Variants in PTPN14 observed in about 807,000 individuals in gnomAD.
PTPN14 encodes the protein tyrosine-protein phosphatase non-receptor type 14.
A neutral mutation model predicts 126.8 loss-of-function variants in PTPN14; 53 were observed. The ratio of observed to expected loss-of-function variants is 0.42; its 90% confidence interval spans 0.34 to 0.53. The LOEUF (loss-of-function observed/expected upper bound fraction) is 0.53. PTPN14 is among the 20% of genes least tolerant of loss of function. The pLI, the probability that PTPN14 is intolerant of heterozygous loss-of-function variation, is 0.08. For missense variants in PTPN14, 1,257 were observed against 1,552.9 expected (o/e 0.81, Z 3.20); for synonymous variants, 630 against 599.3 (o/e 1.05, Z -0.75).
chr1:214,469,338 A>T (rs983388328), intron 1 of PTPN14, among the ~76,000 whole-genome samples: 1 of 152,150 alleles, frequency 6.6e-6, no homozygotes, highest in Non-Finnish European at 1.5e-5. Flanking sequence ...GCTCCCTCCT[A>T]TATTTTATGT....
At chr1:214,385,543 TCAGGCCCAACCTGATTGATTTCTACA>T (rs1658588233) in intron 12 of PTPN14, among the ~76,000 whole-genome samples, 1 of 152,010 alleles carries the variant, frequency 6.6e-6, no homozygotes, top group Admixed American at 6.6e-5. Context: ...ATTTCTACAA[TCAGGCCCAACCTGATTGATTTCTACA>T]ATCAGGTGTC....
intron 3 of PTPN14, among the ~76,000 whole-genome samples, chr1:214,436,703 C>G (rs964185380): frequency 6.7e-6 from 1 of 149,778 alleles, no homozygotes; most frequent in East Asian, 2.0e-4. Context: ...AGGAGAATCA[C>G]TTGAACCCGG....
chr1:214,495,616 G>A (rs1313821131), intron 1 of PTPN14, among the ~76,000 whole-genome samples: 2 of 152,086 alleles, frequency 1.3e-5, no homozygotes, highest in Non-Finnish European at 2.9e-5. Context: ...TTAAGATGGG[G>A]GAGGAAAAGT....
chr1:214,433,434 T>C (rs1019180481), intron 3 of PTPN14, among the ~76,000 whole-genome samples: 7 of 151,914 alleles, frequency 4.6e-5, no homozygotes, highest in Admixed American at 1.3e-4. Flanking sequence ...GAGCTACTTA[T>C]AGAAAAATGG....
At chr1:214,436,141 G>A (rs768889302) in intron 3 of PTPN14, among the ~76,000 whole-genome samples, 1 of 152,136 alleles carries the variant, frequency 6.6e-6, no homozygotes, top group East Asian at 1.9e-4. Flanking sequence ...GCTAACATAG[G>A]AACAGAAAAC....
intron 2 of PTPN14, among the ~76,000 whole-genome samples, chr1:214,463,436 C>A (rs1357108572): frequency 6.6e-6 from 1 of 152,128 alleles, no homozygotes; most frequent in Non-Finnish European, 1.5e-5. Flanking sequence ...GTCTCCTGCA[C>A]AGAAAAATAT....
At position 214,350,150 on chromosome 1, in the gene PTPN14, C is replaced by T. The variant is rs1266004798; in HGVS notation, c.*7772G>A. 1 of 152,174 alleles carries T rather than the reference C, an allele frequency of 6.6e-6. No homozygotes were observed. Among genetic ancestry groups the T allele is most frequent in the East Asian group, 1.9e-4 (1 of 5,194 alleles). 9.4% of individuals were successfully genotyped at this position (152,174 alleles called of 1,614,324 possible). A position where few individuals can be genotyped will look rare whatever the true frequency, so the allele number is the denominator to read the frequency against. ...GCTTACATACAGATTTTGGATGACC[C>T]GCTAATCTTTCCCCTTCCTAGGTAA... On this transcript the variant is annotated 3_prime_UTR_variant, in exon 19 of 19. Transcript: ENST00000366956.
chr1:214,471,588 T>C (rs1660760417), intron 1 of PTPN14, among the ~76,000 whole-genome samples: 1 of 152,190 alleles, frequency 6.6e-6, no homozygotes, highest in Non-Finnish European at 1.5e-5. Flanking sequence ...AATTGAGTAC[T>C]TGACCTACTG....
intron 1 of PTPN14, among the ~76,000 whole-genome samples, chr1:214,547,210 T>C (rs1486714974): frequency 6.6e-6 from 1 of 152,194 alleles, no homozygotes; most frequent in Non-Finnish European, 1.5e-5. Flanking sequence ...CTGGGCAAGA[T>C]ACATTTCCTC....
chr1:214,487,727 G>T (rs1231253942), intron 1 of PTPN14, among the ~76,000 whole-genome samples: 2 of 152,256 alleles, frequency 1.3e-5, no homozygotes, highest in South Asian at 4.1e-4. Context: ...TGTGAAGAAG[G>T]TTTGAAAGCA....
intron 1 of PTPN14, among the ~76,000 whole-genome samples, chr1:214,482,389 G>A (rs764629671): frequency 1.2e-4 from 18 of 152,238 alleles, no homozygotes; most frequent in Non-Finnish European, 1.8e-4. Flanking sequence ...TACATACTTG[G>A]TTCTTTAAAT....
At chr1:214,461,185 A>G (rs994103562) in intron 2 of PTPN14, among the ~76,000 whole-genome samples, 3 of 152,196 alleles carry the variant, frequency 2.0e-5, no homozygotes, top group Non-Finnish European at 2.9e-5. Context: ...TGGCAAAACA[A>G]TTAATGTAAA....
intron 2 of PTPN14, among the ~76,000 whole-genome samples, chr1:214,460,281 C>T (rs1660480044): frequency 6.6e-6 from 1 of 152,136 alleles, no homozygotes; most frequent in South Asian, 2.1e-4. Flanking sequence ...TTTAGAAATA[C>T]TATCCTATAG....
intron 1 of PTPN14, among the ~76,000 whole-genome samples, chr1:214,526,257 C>G (rs1392814526): frequency 6.6e-6 from 1 of 152,174 alleles, no homozygotes; most frequent in Non-Finnish European, 1.5e-5. Context: ...TGAGCCACCA[C>G]GCCCGGCCAA....
chr1:214,532,008 A>G (rs879268360), intron 1 of PTPN14: 1 of 157,152 alleles, frequency 6.4e-6, no homozygotes, highest in Non-Finnish European at 1.4e-5. Flanking sequence ...CACTTGTTCA[A>G]TTCTGTAGTG....
In PTPN14 at chr1:214,364,515, G is replaced by T; in HGVS notation, c.3432C>A (p.Asn1144Lys). 2.5e-6 allele frequency: 4 copies of T among 1,613,696 alleles called. No individual in the cohort carries two copies. Among genetic ancestry groups the T allele is most frequent in the Non-Finnish European group, 3.4e-6 (4 of 1,179,870 alleles). The part of the protein sequence containing the change: ...SELMIYCLEH[N>K]EKVEVPMMLR... ...AGAGAAGCCCAGAATGACTCACTTC[G>T]TTATGTTCCAAGCAGTAGATCATCA... The change falls in exon 18 of 19, where the codon AAC (asparagine) becomes AAA (lysine). Residue 1144 changes from asparagine to lysine, a missense_variant. Asn to Lys is a moderately conservative substitution (Grantham distance 94, BLOSUM62 0). This residue lies in a region of PTPN14 where 171 missense variants were observed against 229.8 expected (regional missense o/e 0.74). Coordinates refer to ENST00000366956, the MANE Select transcript of PTPN14 (RefSeq NM_005401.5). The surrounding 1 kb of genome is among the most constrained non-coding windows in gnomAD (Gnocchi z 4.1).
intron 1 of PTPN14, among the ~76,000 whole-genome samples, chr1:214,496,643 C>G (rs1654523837): frequency 6.6e-6 from 1 of 152,166 alleles, no homozygotes; most frequent in Non-Finnish European, 1.5e-5. Context: ...ACCCCCTACC[C>G]AAGTGCTGGG....
At chr1:214,544,092 C>G (rs1655909746) in intron 1 of PTPN14, among the ~76,000 whole-genome samples, 1 of 152,168 alleles carries the variant, frequency 6.6e-6, no homozygotes, top group Non-Finnish European at 1.5e-5. Context: ...ATATGGTAAA[C>G]TTACTAATGC....
chr1:214,398,932 C>G (rs973156136), intron 7 of PTPN14, among the ~76,000 whole-genome samples: 4 of 151,832 alleles, frequency 2.6e-5, no homozygotes, highest in African/African-American at 7.3e-5. Context: ...CCACACCTGG[C>G]TAATTTTTAT....
Sources: gnomAD v4.1 joint callset for allele counts (sites outside exome capture counted in the v4.1 genomes callset) on GRCh38, gnomAD v4.1.1 for gene constraint, gnomAD v4.1.1 regional missense constraint, Gnocchi (gnomAD v3.1) non-coding constraint, MANE v1.5 for transcripts, NCBI Gene and HGNC (gene_info 2026-07-23, HGNC 2026-07-21) for gene names.